The following BAZ2B variants were observed in gnomAD, a reference collection of about 807,000 sequenced individuals.
BAZ2B encodes bromodomain adjacent to zinc finger domain protein 2B.
BAZ2B carries 91 observed loss-of-function variants against 246.0 expected under a neutral mutation model. That is an observed-to-expected ratio of 0.37 (90% CI 0.31 to 0.44). BAZ2B has a LOEUF of 0.44. Among genes scored for constraint, BAZ2B ranks in the 20% least tolerant of loss-of-function variants. BAZ2B has a pLI of 1.00. For synonymous variants in BAZ2B, 855 were observed against 860.0 expected (o/e 0.99, Z 0.10); for missense variants, 2,332 against 2,533.7 (o/e 0.92, Z 1.71).
the BAZ2B span, among the ~76,000 whole-genome samples, chr2:159,687,140 T>C: frequency 6.6e-6 from 1 of 152,148 alleles, no homozygotes; most frequent in Non-Finnish European, 1.5e-5. Flanking sequence ...TGCTGTACTA[T>C]TTTTTTCTTT....
At chr2:159,536,683 G>A (rs1277825263) in intron 2 of BAZ2B, among the ~76,000 whole-genome samples, 2 of 152,090 alleles carry the variant, frequency 1.3e-5, no homozygotes, top group Admixed American at 6.6e-5. Flanking sequence ...CTTCAGTTGC[G>A]TGTAACTGCT....
chr2:159,647,412 G>A, the BAZ2B span, among the ~76,000 whole-genome samples: 1 of 152,130 alleles, frequency 6.6e-6, no homozygotes, highest in Non-Finnish European at 1.5e-5. Context: ...TAGGATCAAC[G>A]TTCTTGTTCT....
intron 2 of BAZ2B, among the ~76,000 whole-genome samples, chr2:159,498,586 T>G (rs1267187066): frequency 6.6e-6 from 1 of 152,204 alleles, no homozygotes; most frequent in East Asian, 1.9e-4. Context: ...TAACCTTCAT[T>G]ATACACAAAA....
chr2:159,517,328 G>GT (rs2083536632), intron 2 of BAZ2B, among the ~76,000 whole-genome samples: 1 of 151,112 alleles, frequency 6.6e-6, no homozygotes, highest in African/African-American at 2.4e-5. Context: ...CCAAATTGCT[G>GT]TTTTTTCACT....
chr2:159,458,471 A>T (rs556661240), intron 3 of BAZ2B: 1 of 151,748 alleles, frequency 6.6e-6, no homozygotes, highest in Admixed American at 6.6e-5. Flanking sequence ...GACTACAGGC[A>T]CCCACCACCA....
intron 19 of BAZ2B, chr2:159,396,231 G>A (rs1238884467): frequency 6.5e-6 from 1 of 154,144 alleles, no homozygotes; most frequent in African/African-American, 2.4e-5. Context: ...TTAAACTAAC[G>A]GTTGTGTTGT....
At chr2:159,609,370 T>G (rs1448431190) in intron 1 of BAZ2B, among the ~76,000 whole-genome samples, 1 of 152,212 alleles carries the variant, frequency 6.6e-6, no homozygotes, top group East Asian at 1.9e-4. Flanking sequence ...CAATTTTCCC[T>G]TCTATCTTGC....
intron 1 of BAZ2B, among the ~76,000 whole-genome samples, chr2:159,606,083 AAT>A (rs929283582): frequency 6.6e-6 from 1 of 152,240 alleles, no homozygotes; most frequent in African/African-American, 2.4e-5. Flanking sequence ...AGCTGCAGAA[AAT>A]ATTAATGACA....
At position 159,349,140 on chromosome 2, in the gene BAZ2B, G is replaced by A. The variant is rs981981836; in HGVS notation, c.5004C>T (p.Phe1668=). The change falls in exon 29 of 37, where the codon TTC becomes TTT. Residue 1668 remains phenylalanine, a synonymous_variant. Transcript: ENST00000392783. ...TACTTGAAGCAACATTGGAAGTCAA[G>A]AATGAATTACCATTTCCTTCTGATA... ...LGLSEGNGNS[F]LTSNVASSKS... is the part of the protein sequence containing the mutation. The A allele has an allele frequency of 6.2e-7, 1 of 1,613,932 alleles. No homozygotes were observed. Among genetic ancestry groups the A allele is most frequent in the Non-Finnish European group, 8.5e-7 (1 of 1,179,990 alleles).
chr2:159,610,134 A>G (rs1005695588), intron 1 of BAZ2B, among the ~76,000 whole-genome samples: 2 of 152,184 alleles, frequency 1.3e-5, no homozygotes, highest in African/African-American at 4.8e-5. Flanking sequence ...AGGCAATATG[A>G]CAATGATCTC....
chr2:159,524,883 C>T (rs897122376), intron 2 of BAZ2B, among the ~76,000 whole-genome samples: 2 of 151,940 alleles, frequency 1.3e-5, no homozygotes, highest in Non-Finnish European at 2.9e-5. Context: ...GATGAATGGA[C>T]AAAGTACTCT....
In BAZ2B at chr2:159,373,062, C is replaced by G; in HGVS notation, c.4196G>C (p.Gly1399Ala). ...LPQCGGIFVE[G>A]MESGEGLEEI... ...GTTCTAACCTTCACCACTCTCCATG[C>G]CTTCTACAAAAATCCCCCCACATTG... Residue 1399 changes from glycine to alanine, a missense_variant, in exon 27 of 37, where the codon GGC (glycine) becomes GCC (alanine). Around this residue, in one of 9 missense-constraint regions of BAZ2B, gnomAD observed 676 missense variants for 668.6 expected, o/e 1.01. Coordinates refer to ENST00000392783, the MANE Select transcript of BAZ2B (RefSeq NM_013450.4). 2 of 1,613,906 alleles carry G rather than the reference C, an allele frequency of 1.2e-6. No homozygotes were observed. The highest frequency in any genetic ancestry group is 1.7e-6 in the Non-Finnish European group (2 of 1,179,886).
At chr2:159,551,192 G>A (rs1295892716) in intron 2 of BAZ2B, among the ~76,000 whole-genome samples, 4 of 152,058 alleles carry the variant, frequency 2.6e-5, no homozygotes, top group Non-Finnish European at 5.9e-5. Context: ...GTTGCCGGCC[G>A]GGCACGGTGG....
chr2:159,482,635 C>T (rs536386077), intron 2 of BAZ2B, among the ~76,000 whole-genome samples: 117 of 152,136 alleles, frequency 7.7e-4, no homozygotes, highest in Non-Finnish European at 1.4e-3. Context: ...AGATTACGTG[C>T]TAAGAATTTA....
At chr2:159,680,962 A>G in the BAZ2B span, among the ~76,000 whole-genome samples, 57 of 152,268 alleles carry the variant, frequency 3.7e-4, no homozygotes, top group African/African-American at 1.3e-3. Context: ...TACAAAATCT[A>G]TTGGTAGAAT....
chr2:159,556,523 C>T (rs899217074), intron 1 of BAZ2B, among the ~76,000 whole-genome samples: 2 of 139,292 alleles, frequency 1.4e-5, no homozygotes, highest in Non-Finnish European at 3.0e-5. Flanking sequence ...TGCAGTGGCG[C>T]GATCGTGGCT....
At chr2:159,449,386 A>C (rs1403103032) in intron 4 of BAZ2B, among the ~76,000 whole-genome samples, 1 of 151,800 alleles carries the variant, frequency 6.6e-6, no homozygotes, top group African/African-American at 2.4e-5. Context: ...TGTGACAACC[A>C]TAAGAACATT....
chr2:159,679,283 A>AC, the BAZ2B span, among the ~76,000 whole-genome samples: 5 of 147,782 alleles, frequency 3.4e-5, no homozygotes, highest in Non-Finnish European at 7.5e-5. Flanking sequence ...AAAAAAAAAA[A>AC]AAAAAAAAAA....
intron 1 of BAZ2B, among the ~76,000 whole-genome samples, chr2:159,603,655 C>A (rs1396476937): frequency 6.6e-6 from 1 of 151,190 alleles, no homozygotes; most frequent in African/African-American, 2.4e-5. Context: ...TACCAAATTT[C>A]TTTTCCTCCT....
Sources: allele counts gnomAD v4.1 joint callset (sites outside exome capture counted in the v4.1 genomes callset), GRCh38; gene constraint gnomAD v4.1.1; regional missense constraint gnomAD v4.1.1; transcripts MANE v1.5; gene names NCBI Gene and HGNC (gene_info 2026-07-23, HGNC 2026-07-21).